The following RBM33 variants were observed in gnomAD, a reference collection of about 807,000 sequenced individuals.
The protein encoded by RBM33 is RNA binding motif protein 33, also known as RNA-binding protein 33.
RBM33 carries 28 observed loss-of-function variants against 132.6 expected under a neutral mutation model. The observed-to-expected ratio is 0.21, with a 90% confidence interval of 0.16 to 0.29. The LOEUF is 0.29. Ranked by LOEUF, RBM33 falls within the 10% of genes least tolerant of loss-of-function variation. RBM33 has a pLI of 1.00. For missense variants in RBM33, 1,291 were observed against 1,518.5 expected (o/e 0.85, Z 2.49); for synonymous variants, 634 against 593.0 (o/e 1.07, Z -1.01).
At chr7:155,734,026 T>C (rs1801036026) in intron 9 of RBM33, among the ~76,000 whole-genome samples, 2 of 152,216 alleles carry the variant, frequency 1.3e-5, no homozygotes, top group African/African-American at 2.4e-5. Flanking sequence ...CGGGGCTCCT[T>C]CTCCGTGACC....
rs750579573 is a variant in RBM33 at position 155,779,393 on chromosome 7, A to G, written c.*4352A>G. The G allele has an allele frequency of 4.6e-5, 7 of 152,222 alleles. No individual in the cohort carries two copies. The highest frequency in any genetic ancestry group is 8.8e-5 in the Non-Finnish European group (6 of 68,042). 9.4% of individuals were successfully genotyped at this position (152,222 alleles called of 1,614,324 possible). A position where few individuals can be genotyped will look rare whatever the true frequency, so the allele number is the denominator to read the frequency against. ...GGAAAGCCGCTAGTCCAGATCGACTAGGGAGAGGCTTAGATACTTTAGTGT... is the reference window on the plus strand; with the variant it reads ...GGAAAGCCGCTAGTCCAGATCGACTGGGGAGAGGCTTAGATACTTTAGTGT... On this transcript the variant is annotated 3_prime_UTR_variant, in exon 18 of 18. Coordinates refer to ENST00000401878, the MANE Select transcript of RBM33 (RefSeq NM_053043.3).
intron 3 of RBM33, among the ~76,000 whole-genome samples, chr7:155,673,496 A>G (rs1006057142): frequency 6.8e-6 from 1 of 148,024 alleles, no homozygotes; most frequent in Middle Eastern, 3.5e-3. Flanking sequence ...ATATATACAC[A>G]CATATATACA....
chr7:155,711,566 T>C (rs1585473107), intron 8 of RBM33, 111 bp downstream of exon 8: 5 of 606,220 alleles, frequency 8.2e-6, no homozygotes, highest in South Asian at 6.4e-5. Flanking sequence ...GTGAAAGCAG[T>C]ATGCGTTCAG....
In RBM33 at chr7:155,739,718, C is replaced by T; in HGVS notation, c.1741C>T (p.Pro581Ser). 6.5e-7 allele frequency: 1 copy of T among 1,544,508 alleles called. No individual in the cohort carries two copies. The change falls in exon 12 of 18, where the codon CCG becomes TCG. Residue 581 changes from proline (P) to serine (S), a missense_variant. Pro to Ser is a moderately conservative substitution (Grantham distance 74). This residue lies in a region of RBM33 where 841 missense variants were observed against 912.0 expected (regional missense o/e 0.92). Coordinates refer to ENST00000401878, the MANE Select transcript of RBM33 (RefSeq NM_053043.3). ...TCTCTTTCTTTGGAAATGGAAGGGG[C>T]CGTTGCATCCTCCATTGCCCCCTCC... ...PTHTQPNLQGPLHPPLPPPHQ... is the reference protein window; with the variant it reads ...PTHTQPNLQGSLHPPLPPPHQ...
chr7:155,686,829 A>G (rs1585437699), intron 5 of RBM33, among the ~76,000 whole-genome samples: 1 of 152,214 alleles, frequency 6.6e-6, no homozygotes, highest in Admixed American at 6.5e-5. Flanking sequence ...TTATGGCTGC[A>G]TAGTATTCCA....
chr7:155,692,772 A>G (rs2116944008), intron 5 of RBM33, among the ~76,000 whole-genome samples: 1 of 152,384 alleles, frequency 6.6e-6, no homozygotes, highest in East Asian at 1.9e-4. Context: ...CAGTATTAAA[A>G]GCTTTAAAGC....
chr7:155,695,960 A>G (rs1399814921), intron 5 of RBM33, among the ~76,000 whole-genome samples: 1 of 152,012 alleles, frequency 6.6e-6, no homozygotes, highest in Admixed American at 6.6e-5. Flanking sequence ...GTGGTATGAG[A>G]TTCCGTTTTT....
In RBM33 at chr7:155,659,860, C is replaced by T. The variant is rs562401460; in HGVS notation, c.44-5315C>T. 9.9e-5 allele frequency among the ~76,000 whole-genome samples: 15 copies of T among 152,262 alleles called. No individual in the cohort carries two copies. In the South Asian group the frequency reaches 3.1e-3, roughly 32 times the overall value. ...CCCTGTGAAGCCTCTAGGGGAGAAT[C>T]CTTTGCCTCTTCCAGCTTTTGTTGG... is the stretch of plus-strand genomic sequence containing the variant. On this transcript the variant is annotated intron_variant, in intron 1 of 17. Transcript: ENST00000401878.
rs147726889 is a variant in RBM33 at position 155,715,554 on chromosome 7, A to G, written c.1202-2831A>G. 9.8e-4 allele frequency among the ~76,000 whole-genome samples: 150 copies of G among 152,326 alleles called. No individual in the cohort carries two copies. In the East Asian group the frequency reaches 0.022, roughly 22 times the overall value. On this transcript the variant is annotated intron_variant, in intron 8 of 17. Coordinates refer to ENST00000401878, the MANE Select transcript of RBM33 (RefSeq NM_053043.3). The stretch of plus-strand genomic sequence containing the variant: ...CACGTGTGATTTAGCAACTACTCCA[A>G]GGTCAGCTTTCTGACAAAAGTTTTT...
chr7:155,773,568 CAAAAAAAAA>C (rs201127157), intron 16 of RBM33, among the ~76,000 whole-genome samples: 34 of 50,476 alleles, frequency 6.7e-4, no homozygotes, highest in African/African-American at 2.4e-3. Flanking sequence ...ACTCCATCTC[CAAAAAAAAA>C]AAAAAAAAAA....
chr7:155,665,122 C>T, intron 1 of RBM33, 53 bp from the exon 2 acceptor site: 2 of 1,469,088 alleles, frequency 1.4e-6, no homozygotes, highest in Non-Finnish European at 1.9e-6. Context: ...GAATTATTTG[C>T]ATTGTGTCTA....
chr7:155,692,937 A>AAT (rs1799687139), intron 5 of RBM33, among the ~76,000 whole-genome samples: 1 of 152,224 alleles, frequency 6.6e-6, no homozygotes, highest in South Asian at 2.1e-4. Flanking sequence ...CTTAAAGTGT[A>AAT]ATGCAGTATA....
chr7:155,761,313 C>T (rs1329183344), intron 14 of RBM33, among the ~76,000 whole-genome samples: 1 of 152,106 alleles, frequency 6.6e-6, no homozygotes, highest in Non-Finnish European at 1.5e-5. Flanking sequence ...TAGGGTAATA[C>T]CAGGCCCAAA....
intron 3 of RBM33, among the ~76,000 whole-genome samples, chr7:155,676,120 C>T (rs1799178144): frequency 1.3e-5 from 2 of 152,106 alleles, no homozygotes. Context: ...AATGATGAGC[C>T]TTTGCTTGGA....
At chr7:155,761,071 A>G (rs908542938) in intron 14 of RBM33, among the ~76,000 whole-genome samples, 1 of 152,252 alleles carries the variant, frequency 6.6e-6, no homozygotes, top group African/African-American at 2.4e-5. Flanking sequence ...GGACGATAGC[A>G]GATATACACA....
At chr7:155,760,712 G>A (rs1189765264) in intron 14 of RBM33, among the ~76,000 whole-genome samples, 1 of 152,154 alleles carries the variant, frequency 6.6e-6, no homozygotes, top group South Asian at 2.1e-4. Context: ...AAAATTTCAA[G>A]CATGTATAAA....
chr7:155,747,767 A>G (rs762319111), intron 14 of RBM33, among the ~76,000 whole-genome samples: 4 of 152,260 alleles, frequency 2.6e-5, no homozygotes, highest in Admixed American at 6.5e-5. Context: ...AGTCCCCTCC[A>G]ATAGCACATT....
intron 1 of RBM33, among the ~76,000 whole-genome samples, chr7:155,647,137 A>G (rs1486055802): frequency 2.6e-5 from 4 of 152,198 alleles, no homozygotes; most frequent in African/African-American, 9.7e-5. Context: ...AGCCACAGAA[A>G]TGTGATTGAC....
intron 2 of RBM33, among the ~76,000 whole-genome samples, chr7:155,671,526 A>G (rs1327769564): frequency 6.6e-6 from 1 of 152,244 alleles, no homozygotes; most frequent in Admixed American, 6.5e-5. Context: ...ATATAGAAAC[A>G]TGCATTTCAT....
Sources: allele counts gnomAD v4.1 joint callset (sites outside exome capture counted in the v4.1 genomes callset), GRCh38; gene constraint gnomAD v4.1.1; regional missense constraint gnomAD v4.1.1; transcripts MANE v1.5; gene names NCBI Gene and HGNC (gene_info 2026-07-23, HGNC 2026-07-21).